Variants in RAD23B observed in about 807,000 individuals in gnomAD.
RAD23B encodes the protein RAD23 nucleotide excision repair protein B.
Under a neutral mutation model 49.1 loss-of-function variants are expected in RAD23B, and 5 were observed. The ratio of observed to expected loss-of-function variants is 0.10; its 90% CI spans 0.05 to 0.21. The LOEUF is 0.21. Among genes scored for constraint, RAD23B ranks in the 10% least tolerant of loss-of-function variants. RAD23B has a pLI of 1.00. For missense variants in RAD23B, 356 were observed against 486.7 expected, an observed-to-expected ratio of 0.73 and a Z score of 2.53; for synonymous variants, 184 against 165.4, an observed-to-expected ratio of 1.11 and a Z score of -0.86.
rs562119891 is a variant in RAD23B at position 107,327,686 on chromosome 9, G to A, written c.1117-1857G>A. On this transcript the variant is annotated intron_variant, in intron 9 of 9. Coordinates refer to ENST00000358015, the MANE Select transcript of RAD23B (RefSeq NM_002874.5). ...TGTGGCCTAACATGGTATTTCTGAA[G>A]AATGTTCTATGTATACTGAAGAAGA... Among the ~76,000 whole-genome samples the A allele has an allele frequency of 2.6e-5, 4 of 152,202 alleles. No individual in the cohort carries two copies. In the East Asian group the frequency reaches 7.7e-4, roughly 29 times the overall value.
chr9:107,314,654 T>C (rs1411124409), intron 5 of RAD23B, among the ~76,000 whole-genome samples: 1 of 152,250 alleles, frequency 6.6e-6, no homozygotes, highest in Non-Finnish European at 1.5e-5. Flanking sequence ...ATCTTTTTGA[T>C]ATAATGATTT....
At chr9:107,301,063 T>G (rs945164322) in intron 2 of RAD23B, among the ~76,000 whole-genome samples, 2 of 152,246 alleles carry the variant, frequency 1.3e-5, no homozygotes, top group African/African-American at 4.8e-5. Flanking sequence ...AGCTTTTGAT[T>G]CAATAGCTTT....
At chr9:107,288,607 G>A (rs1275320124) in intron 1 of RAD23B, among the ~76,000 whole-genome samples, 1 of 151,890 alleles carries the variant, frequency 6.6e-6, no homozygotes, top group Non-Finnish European at 1.5e-5. Context: ...CACCACACCT[G>A]GTTAATTTTT....
rs371251600 is a variant in RAD23B, at chr9:107,324,028, A to C, written c.945+11A>C. 6.2e-7 allele frequency: 1 copy of C among 1,612,652 alleles called. No homozygotes were observed. Among genetic ancestry groups the C allele is most frequent in the African/African-American group, 1.3e-5 (1 of 75,008 alleles). On this transcript the variant is annotated intron_variant, in intron 8 of 9. Coordinates refer to ENST00000358015, the MANE Select transcript of RAD23B (RefSeq NM_002874.5). Reference sequence around the variant, plus strand: ...CCTCAATTACTTCAGGTGACTAATCAGTGTCAGTTTCACAAGTGATTTAGA... The same window carrying C: ...CCTCAATTACTTCAGGTGACTAATCCGTGTCAGTTTCACAAGTGATTTAGA...
chr9:107,329,224 A>G (rs914360268), intron 9 of RAD23B, among the ~76,000 whole-genome samples: 2 of 152,232 alleles, frequency 1.3e-5, no homozygotes, highest in Admixed American at 6.5e-5. Context: ...TTTTTAAACC[A>G]TAGCAGTTAG....
At position 107,300,174 on chromosome 9, in the gene RAD23B, A is replaced by G; in HGVS notation, c.100A>G (p.Lys34Glu). The change falls in exon 2 of 10, where the codon AAG (lysine) becomes GAG (glutamate). Residue 34 changes from lysine to glutamate, a missense_variant. Physicochemically the swap from Lys to Glu is moderately conservative, Grantham distance 56 (BLOSUM62 1). Coordinates refer to ENST00000358015, the MANE Select transcript of RAD23B (RefSeq NM_002874.5). ...KALKEKIESE[K>E]GKDAFPVAGQ... Reference sequence around the variant, plus strand: ...ACTGAAAGAGAAGATTGAATCTGAAAAGGGGAAAGATGCCTTTCCAGTAGC... The same window carrying G: ...ACTGAAAGAGAAGATTGAATCTGAAGAGGGGAAAGATGCCTTTCCAGTAGC... The G allele has an allele frequency of 6.2e-7, 1 of 1,609,790 alleles. No individual in the cohort carries two copies. The highest frequency in any genetic ancestry group is 8.5e-7 in the Non-Finnish European group (1 of 1,177,980).
chr9:107,319,573 A>T (rs1283326614), intron 6 of RAD23B, among the ~76,000 whole-genome samples: 2 of 152,136 alleles, frequency 1.3e-5, no homozygotes, highest in Admixed American at 6.5e-5. Context: ...TTGATCCCAG[A>T]TTTTTGCAAG....
rs11573717 is a variant in RAD23B, at chr9:107,324,447, C to A, written c.946-387C>A. On this transcript the variant is annotated intron_variant, in intron 8 of 9. Coordinates refer to ENST00000358015, the MANE Select transcript of RAD23B (RefSeq NM_002874.5). The stretch of plus-strand genomic sequence containing the variant: ...TGTGGGGCTTCTTTAGTGATCAGAT[C>A]ACCAAGTATTTGAATTTTATACAGC... Among the ~76,000 whole-genome samples, 841 of 152,246 alleles carry A rather than the reference C, an allele frequency of 5.5e-3. 7 individuals are homozygous for A. The highest frequency in any genetic ancestry group is 0.02 in the African/African-American group (815 of 41,536).
chr9:107,291,072 A>G (rs1319911771), intron 1 of RAD23B, among the ~76,000 whole-genome samples: 1 of 152,208 alleles, frequency 6.6e-6, no homozygotes, highest in Admixed American at 6.5e-5. Flanking sequence ...CATTGTATAA[A>G]CTTATTTCGA....
chr9:107,303,461 A>T (rs954110656), intron 3 of RAD23B, among the ~76,000 whole-genome samples: 2 of 152,212 alleles, frequency 1.3e-5, no homozygotes, highest in African/African-American at 4.8e-5. Flanking sequence ...TTATATGTTA[A>T]GTTTAAAAAC....
chr9:107,309,890 C>T lies in RAD23B; in HGVS notation c.498-1792C>T, dbSNP rs192112462. Among the ~76,000 whole-genome samples the T allele has an allele frequency of 4.8e-4, 71 of 149,020 alleles. No individual in the cohort carries two copies. In the Middle Eastern group the frequency reaches 0.017, roughly 36 times the overall value. On this transcript the variant is annotated intron_variant, in intron 4 of 9. Coordinates refer to ENST00000358015, the MANE Select transcript of RAD23B (RefSeq NM_002874.5). ...AGCTTGCAGTGAGCCGAGATTGCGC[C>T]GCTGCACTCCAGCCTGGGCGACAGA...
intron 5 of RAD23B, among the ~76,000 whole-genome samples, chr9:107,312,783 G>A (rs1826913071): frequency 6.6e-6 from 1 of 152,108 alleles, no homozygotes; most frequent in South Asian, 2.1e-4. Flanking sequence ...CAGAGAGGCA[G>A]TAAACTGTCT....
intron 7 of RAD23B, among the ~76,000 whole-genome samples, chr9:107,323,200 G>A (rs954942391): frequency 6.6e-6 from 1 of 152,022 alleles, no homozygotes; most frequent in Admixed American, 6.5e-5. Flanking sequence ...ATTTTATTTG[G>A]CATTATTAAC....
At chr9:107,297,594 C>T (rs1001845132) in intron 1 of RAD23B, among the ~76,000 whole-genome samples, 6 of 152,162 alleles carry the variant, frequency 3.9e-5, no homozygotes, top group African/African-American at 1.4e-4. Context: ...CTGCCTTGGC[C>T]TCCCAAAGTA....
chr9:107,326,875 G>A (rs1827216616), intron 9 of RAD23B, among the ~76,000 whole-genome samples: 1 of 151,768 alleles, frequency 6.6e-6, no homozygotes, highest in Non-Finnish European at 1.5e-5. Context: ...TCATGACTTC[G>A]TGATCCACCC....
At chr9:107,307,048 G>A (rs1029713508) in intron 4 of RAD23B, among the ~76,000 whole-genome samples, 4 of 152,034 alleles carry the variant, frequency 2.6e-5, no homozygotes, top group Non-Finnish European at 4.4e-5. Context: ...TATATCATAA[G>A]CATCCTTCCA....
At chr9:107,307,222 GA>G (rs1252584953) in intron 4 of RAD23B, among the ~76,000 whole-genome samples, 2 of 151,136 alleles carry the variant, frequency 1.3e-5, no homozygotes, top group South Asian at 4.2e-4. Flanking sequence ...ATCTTTAGGG[GA>G]AAAAAAAGGA....
chr9:107,287,849 AAC>A (rs1491475402), intron 1 of RAD23B, among the ~76,000 whole-genome samples: 9 of 151,656 alleles, frequency 5.9e-5, no homozygotes, highest in Non-Finnish European at 8.8e-5. Context: ...AAAAAAAAAA[AAC>A]AAAAAAACTG....
intron 3 of RAD23B, among the ~76,000 whole-genome samples, chr9:107,303,135 A>AG: frequency 6.6e-6 from 1 of 152,310 alleles, no homozygotes; most frequent in African/African-American, 2.4e-5. Flanking sequence ...CAAATGGAGA[A>AG]GTGGTACTCA....
Sources: gnomAD v4.1 joint callset for allele counts (sites outside exome capture counted in the v4.1 genomes callset) on GRCh38, gnomAD v4.1.1 for gene constraint, MANE v1.5 for transcripts, NCBI Gene and HGNC (gene_info 2026-07-23, HGNC 2026-07-21) for gene names.